Variants in GLYATL2 observed in about 807,000 individuals in gnomAD.
GLYATL2 encodes glycine-N-acyltransferase like 2.
GLYATL2 carries 25 observed loss-of-function variants against 21.4 expected under a neutral mutation model. The ratio of observed to expected loss-of-function variants is 1.17; its 90% CI spans 0.85 to 1.63. GLYATL2 has a LOEUF of 1.63. GLYATL2 is among the 40% of genes most tolerant of loss of function. The probability of loss-of-function intolerance (pLI) is 0.00; values close to 1 mark genes in which losing one functional copy is unlikely to be tolerated. For synonymous variants in GLYATL2, 114 were observed against 118.2 expected, an observed-to-expected ratio of 0.96 and a Z score of 0.23; for missense variants, 361 against 343.3, an observed-to-expected ratio of 1.05 and a Z score of -0.41.
At chr11:58,902,008 T>G (rs1854748518) in intron 1 of GLYATL2, among the ~76,000 whole-genome samples, 1 of 151,908 alleles carries the variant, frequency 6.6e-6, no homozygotes, top group African/African-American at 2.4e-5. Flanking sequence ...GCCTCTGGAG[T>G]CTGGAGGTGG....
chr11:58,892,836 A>G (rs1854568350), intron 1 of GLYATL2: 3 of 321,540 alleles, frequency 9.3e-6, no homozygotes, highest in Non-Finnish European at 1.9e-5. Flanking sequence ...GATGAATTTG[A>G]GAGGTACAAA....
chr11:58,895,895 C>G (rs918875198), intron 1 of GLYATL2, among the ~76,000 whole-genome samples: 1 of 151,718 alleles, frequency 6.6e-6, no homozygotes, highest in Admixed American at 6.6e-5. Context: ...GCTCTGTCAC[C>G]CAGGCTGGAA....
intron 1 of GLYATL2, among the ~76,000 whole-genome samples, chr11:58,887,585 GGGATAATCACTGATGATCTCTT>G (rs1273348413): frequency 6.6e-6 from 1 of 152,058 alleles, no homozygotes; most frequent in Non-Finnish European, 1.5e-5. Context: ...AACACACAAA[GGGATAATCACTGATGATCTCTT>G]CTGTCATCAC....
intron 1 of GLYATL2, among the ~76,000 whole-genome samples, chr11:58,871,922 T>G (rs1276481751): frequency 6.6e-6 from 1 of 152,188 alleles, no homozygotes; most frequent in East Asian, 1.9e-4. Flanking sequence ...TGTTCCTATT[T>G]CTCCACATCC....
At chr11:58,892,849 C>A (rs1466183401) in intron 1 of GLYATL2, 3 of 321,822 alleles carry the variant, frequency 9.3e-6, no homozygotes, top group Non-Finnish European at 1.9e-5. Context: ...GGTACAAAAA[C>A]AGGTGCTTAT....
intron 1 of GLYATL2, among the ~76,000 whole-genome samples, chr11:58,881,288 G>A (rs1183281885): frequency 6.6e-6 from 1 of 152,138 alleles, no homozygotes; most frequent in Non-Finnish European, 1.5e-5. Context: ...ACTTAAAAAA[G>A]AAGTAGGAGA....
At chr11:58,862,769 A>G (rs1209578789) in intron 1 of GLYATL2, among the ~76,000 whole-genome samples, 1 of 152,164 alleles carries the variant, frequency 6.6e-6, no homozygotes, top group Admixed American at 6.5e-5. Flanking sequence ...CAATTATTTT[A>G]GATTCATTGT....
At chr11:58,871,672 C>T (rs1285302112) in intron 1 of GLYATL2, among the ~76,000 whole-genome samples, 1 of 152,036 alleles carries the variant, frequency 6.6e-6, no homozygotes, top group Non-Finnish European at 1.5e-5. Flanking sequence ...TTTTCTTAAT[C>T]CAGTCTATCA....
At chr11:58,857,612 C>A (rs1413292293) in intron 1 of GLYATL2, among the ~76,000 whole-genome samples, 1 of 152,152 alleles carries the variant, frequency 6.6e-6, no homozygotes, top group Non-Finnish European at 1.5e-5. Flanking sequence ...ACCACTACCC[C>A]AGGTTGTGTT....
rs538475469 is a variant in GLYATL2, at chr11:58,871,863, T to A, written n.60+32293A>T. Among the ~76,000 whole-genome samples the A allele has an allele frequency of 5.2e-4, 79 of 152,340 alleles. 1 individual carries two copies. Among genetic ancestry groups the A allele is most frequent in the Non-Finnish European group, 8.8e-4 (60 of 68,026 alleles). ...AGATGCCTGAGGAATTGCCACACTGTCTTCCACAATGGTTGAACTAGTTGA... is the reference window on the plus strand; with the variant it reads ...AGATGCCTGAGGAATTGCCACACTGACTTCCACAATGGTTGAACTAGTTGA... On this transcript the variant is annotated intron_variant and non_coding_transcript_variant, in intron 1 of 4. Transcript: ENST00000533636.
At chr11:58,882,458 G>C (rs1854356805) in intron 1 of GLYATL2, among the ~76,000 whole-genome samples, 1 of 152,118 alleles carries the variant, frequency 6.6e-6, no homozygotes, top group Non-Finnish European at 1.5e-5. Flanking sequence ...ATTTTTCTGA[G>C]TTCAGTGTAG....
At chr11:58,866,282 T>C (rs1474152475) in intron 1 of GLYATL2, among the ~76,000 whole-genome samples, 2 of 149,084 alleles carry the variant, frequency 1.3e-5, no homozygotes, top group Non-Finnish European at 3.0e-5. Context: ...ATCCATTTAA[T>C]TGGTGCTATC....
At position 58,834,616 on chromosome 11, in the gene GLYATL2, CTG is replaced by C. The variant is rs749483431; in HGVS notation, c.696_697del (p.Tyr232Ter). On this transcript the variant is annotated stop_gained and frameshift_variant, in exon 6 of 6. Transcript: ENST00000287275. LOFTEE classifies it low-confidence loss of function (END_TRUNC). Reference sequence around the variant, plus strand: ...AATTTGCAACATGTTGCCTTGGTGTCTGTATTTGGGGACAGTATAACCCATTC... The same window carrying C: ...AATTTGCAACATGTTGCCTTGGTGTCTATTTGGGGACAGTATAACCCATTC... 1.2e-6 allele frequency: 2 copies of C among 1,613,606 alleles called. No individual in the cohort carries two copies. Among genetic ancestry groups the C allele is most frequent in the South Asian group, 1.1e-5 (1 of 91,034 alleles).
At chr11:58,890,995 G>T (rs1854534400) in intron 1 of GLYATL2, among the ~76,000 whole-genome samples, 1 of 151,790 alleles carries the variant, frequency 6.6e-6, no homozygotes, top group Non-Finnish European at 1.5e-5. Context: ...AGTTTACTTT[G>T]ATATTCTTTT....
intron 1 of GLYATL2, among the ~76,000 whole-genome samples, chr11:58,901,359 A>G (rs1854737180): frequency 6.6e-6 from 1 of 152,222 alleles, no homozygotes; most frequent in Non-Finnish European, 1.5e-5. Flanking sequence ...TGAGTTTCTC[A>G]GGTAGTTATG....
intron 1 of GLYATL2, among the ~76,000 whole-genome samples, chr11:58,900,597 G>A (rs1854719541): frequency 6.6e-6 from 1 of 152,122 alleles, no homozygotes; most frequent in Non-Finnish European, 1.5e-5. Context: ...CAGCGTGACG[G>A]GGGGTAGGTT....
upstream of GLYATL2, among the ~76,000 whole-genome samples, chr11:58,849,306 A>T (rs796857241): frequency 6.6e-6 from 1 of 152,218 alleles, no homozygotes. Flanking sequence ...AACGCTGTTA[A>T]CTGTGGTGTA....
intron 1 of GLYATL2, among the ~76,000 whole-genome samples, chr11:58,862,353 G>C (rs191329546): frequency 3.3e-5 from 5 of 152,162 alleles, no homozygotes; most frequent in Admixed American, 2.0e-4. Context: ...TCTTTCCCCA[G>C]ACTTGGAAAG....
chr11:58,834,783 A>C lies in GLYATL2; in HGVS notation c.531T>G (p.Asn177Lys), dbSNP rs1352183031. The C allele has an allele frequency of 6.2e-7, 1 of 1,613,324 alleles. No individual in the cohort carries two copies. Residue 177 changes from asparagine (N) to lysine (K), a missense_variant, in exon 6 of 6, where the codon AAT becomes AAG. Coordinates refer to ENST00000287275, the MANE Select transcript of GLYATL2 (RefSeq NM_145016.4). ...FLDASHAGLV[N>K]EHWAFGKNER... ...CATTTTTCCCAAAGGCCCAGTGTTC[A>C]TTCACAAGACCTGCATGTGAAGCAT...
Sources: gnomAD v4.1 joint callset for allele counts (sites outside exome capture counted in the v4.1 genomes callset) on GRCh38, gnomAD v4.1.1 for gene constraint, MANE v1.5 for transcripts, NCBI Gene and HGNC (gene_info 2026-07-23, HGNC 2026-07-21) for gene names.